Variants in ABCA13 observed in about 807,000 individuals in gnomAD.
ABCA13 encodes ATP-binding cassette sub-family A member 13.
Under a neutral mutation model 478.7 loss-of-function variants are expected in ABCA13, and 476 were observed. That is an observed-to-expected ratio of 0.99 (90% confidence interval 0.92 to 1.07). ABCA13 has a LOEUF of 1.07. ABCA13 is among the 50% of genes least tolerant of loss of function. The probability of loss-of-function intolerance (pLI) is 0.00; values close to 1 mark genes in which losing one functional copy is unlikely to be tolerated. For synonymous variants in ABCA13, 2,252 were observed against 2,158.9 expected (o/e 1.04, Z -1.20); for missense variants, 6,060 against 5,910.6 (o/e 1.03, Z -0.83).
At chr7:48,508,138 C>A in intron 50 of ABCA13, 89 bp downstream of exon 50, 1 of 1,558,136 alleles carries the variant, frequency 6.4e-7, no homozygotes, top group Non-Finnish European at 8.8e-7. Context: ...CATTGGGGCC[C>A]TGGCTGCCTT....
intron 8 of ABCA13, among the ~76,000 whole-genome samples, chr7:48,238,467 C>CT (rs34705800): frequency 0.02 from 2,917 of 144,914 alleles, 33 homozygotes; most frequent in Non-Finnish European, 0.031. Flanking sequence ...TGTTGAAGTT[C>CT]TTTTTTTTTT....
At chr7:48,197,569 C>T (rs1798100765) in intron 2 of ABCA13, among the ~76,000 whole-genome samples, 2 of 151,966 alleles carry the variant, frequency 1.3e-5, no homozygotes, top group Admixed American at 6.6e-5. Flanking sequence ...GTGTACTGTG[C>T]AGGAGAAACG....
intron 44 of ABCA13, among the ~76,000 whole-genome samples, chr7:48,470,271 A>G (rs945616833): frequency 6.6e-6 from 1 of 152,178 alleles, no homozygotes; most frequent in Non-Finnish European, 1.5e-5. Flanking sequence ...GTCATGGGTC[A>G]TTATGTACCT....
chr7:48,281,313 T>G (rs1289459844), intron 18 of ABCA13, 30 bp from the exon 19 acceptor site: 2 of 1,554,088 alleles, frequency 1.3e-6, no homozygotes, highest in East Asian at 4.7e-5. Flanking sequence ...TTTTACCCTT[T>G]TATGTCATTG....
At chr7:48,390,715 T>G (rs1815919300) in intron 37 of ABCA13, among the ~76,000 whole-genome samples, 1 of 152,210 alleles carries the variant, frequency 6.6e-6, no homozygotes, top group Non-Finnish European at 1.5e-5. Flanking sequence ...TCTGGCTTCT[T>G]GTACTCAGCA....
At chr7:48,342,416 G>A (rs892317) in intron 29 of ABCA13, among the ~76,000 whole-genome samples, 4,955 of 152,106 alleles carry the variant, frequency 0.033, 110 homozygotes, top group South Asian at 0.058. Flanking sequence ...ATACTTTAAG[G>A]CTGTATTGTA....
At position 48,275,514 on chromosome 7, in the gene ABCA13, C is replaced by T. The variant is rs1360269509; in HGVS notation, c.5848C>T (p.Gln1950Ter). The change falls in exon 17 of 62, where the codon CAA (glutamine) becomes TAA (stop). Residue 1950 changes from glutamine to a stop codon, truncating the protein, a stop_gained. Coordinates refer to ENST00000435803, the MANE Select transcript of ABCA13 (RefSeq NM_152701.5). LOFTEE classifies it high-confidence loss of function. Reference sequence around the variant, plus strand: ...ACTCTGTCCTAGTGGTTCCATAAAGCAAGTTGCTTTGCAAATCATAGAAAA... The same window carrying T: ...ACTCTGTCCTAGTGGTTCCATAAAGTAAGTTGCTTTGCAAATCATAGAAAA... Reference protein sequence around the residue: ...SELCPSGSIKQVALQIIEKLK... With the variant: ...SELCPSGSIK The T allele has an allele frequency of 1.2e-6, 2 of 1,613,762 alleles. No individual in the cohort carries two copies. Among genetic ancestry groups the T allele is most frequent in the Non-Finnish European group, 1.7e-6 (2 of 1,179,828 alleles).
At chr7:48,281,277 A>G (rs929010599) in intron 18 of ABCA13, 66 bp from the exon 19 acceptor site, 2 of 1,297,094 alleles carry the variant, frequency 1.5e-6, no homozygotes, top group Middle Eastern at 1.8e-4. Flanking sequence ...TAACCTACAC[A>G]GTAGAGATGC....
intron 55 of ABCA13, among the ~76,000 whole-genome samples, chr7:48,532,347 C>G (rs745572418): frequency 5.3e-5 from 8 of 152,126 alleles, no homozygotes; most frequent in Non-Finnish European, 1.5e-5. Context: ...TGGTATGAAA[C>G]ACATTTGATC....
rs1226407192 is a variant in ABCA13, at chr7:48,271,949, A to G, written c.2283A>G (p.Pro761=). The change falls in exon 17 of 62, where the codon CCA becomes CCG. Residue 761 remains proline (P), a synonymous_variant. Coordinates refer to ENST00000435803, the MANE Select transcript of ABCA13 (RefSeq NM_152701.5). ...TTGTTCCCAGTTTCCACAGCCTCCC[A>G]TCTCTCACAGAGGATATTCTGAATA... The part of the protein sequence containing the change: ...SSIVPSFHSL[P]SLTEDILNIS... 2 of 1,613,570 alleles carry G rather than the reference A, an allele frequency of 1.2e-6. No homozygotes were observed. The highest frequency in any genetic ancestry group is 1.7e-5 in the Admixed American group (1 of 59,980).
At chr7:48,523,338 A>T (rs985635056) in intron 53 of ABCA13, among the ~76,000 whole-genome samples, 1 of 152,130 alleles carries the variant, frequency 6.6e-6, no homozygotes, top group Non-Finnish European at 1.5e-5. Context: ...GGATACTGGG[A>T]GCTTGCCATG....
At position 48,274,546 on chromosome 7, in the gene ABCA13, C is replaced by T. The variant is rs749326271; in HGVS notation, c.4880C>T (p.Ala1627Val). 77 of 1,613,746 alleles carry T rather than the reference C, an allele frequency of 4.8e-5. No individual in the cohort carries two copies. Among genetic ancestry groups the T allele is most frequent in the Middle Eastern group, 3.3e-4 (2 of 6,084 alleles). The change falls in exon 17 of 62, where the codon GCT becomes GTT. Residue 1627 changes from alanine to valine, a missense_variant. By Grantham distance (64) the Ala-to-Val change is moderately conservative (BLOSUM62 0). Around this residue, in one of 3 missense-constraint regions of ABCA13, gnomAD observed 4,423 missense variants for 4,309.1 expected, o/e 1.03. Coordinates refer to ENST00000435803, the MANE Select transcript of ABCA13 (RefSeq NM_152701.5). ...KIIISPEIMK[A>V]TGLGIQLIRD... The stretch of plus-strand genomic sequence containing the variant: ...ATAATTTCACCTGAAATAATGAAAG[C>T]TACAGGTCTTGGTATTCAACTGATA...
intron 27 of ABCA13, among the ~76,000 whole-genome samples, chr7:48,324,913 T>G (rs550325597): frequency 4.6e-5 from 7 of 152,350 alleles, no homozygotes; most frequent in Admixed American, 2.6e-4. Flanking sequence ...ATGAAGATTT[T>G]TGTTGCAAAG....
At position 48,350,740 on chromosome 7, in the gene ABCA13, C is replaced by A. The variant is rs1267367055; in HGVS notation, c.10302C>A (p.Asn3434Lys). Residue 3434 changes from asparagine to lysine, a missense_variant, in exon 30 of 62, where the codon AAC becomes AAA. Physicochemically the swap from Asn to Lys is moderately conservative, Grantham distance 94. Around this residue, in one of 3 missense-constraint regions of ABCA13, gnomAD observed 4,423 missense variants for 4,309.1 expected, o/e 1.03. Coordinates refer to ENST00000435803, the MANE Select transcript of ABCA13 (RefSeq NM_152701.5). ...LVNLSSCVAL[N>K]RFQALQSVDI... Reference sequence around the variant, plus strand: ...ATCTCTCTTCCTGCGTGGCACTGAACCGTTTCCAGGCTCTGCAGTCTGTCG... The same window carrying A: ...ATCTCTCTTCCTGCGTGGCACTGAAACGTTTCCAGGCTCTGCAGTCTGTCG... 1.2e-5 allele frequency: 20 copies of A among 1,613,858 alleles called. No homozygotes were observed. Among genetic ancestry groups the A allele is most frequent in the African/African-American group, 2.7e-5 (2 of 74,916 alleles).
chr7:48,278,151 G>A lies in ABCA13; in HGVS notation c.6957G>A (p.Leu2319=). 1 of 1,493,164 alleles carries A rather than the reference G, an allele frequency of 6.7e-7. No homozygotes were observed. The highest frequency in any genetic ancestry group is 2.3e-5 in the East Asian group (1 of 43,504). The allele number at this position is 1,493,164 out of a possible 1,614,324, so 92.5% of individuals were successfully genotyped here. A position where few individuals can be genotyped will look rare whatever the true frequency, so the allele number is the denominator to read the frequency against. ...TGAAACTGGATCAATTTCTTACCCT[G>A]ATGATACAAGACAGATTGATGAACA... ...EILKLDQFLT[L]MIQDRLMNIF... Residue 2319 remains leucine, a synonymous_variant, in exon 18 of 62, where the codon CTG becomes CTA. Transcript: ENST00000435803.
At chr7:48,500,731 C>G (rs1002583836) in intron 48 of ABCA13, among the ~76,000 whole-genome samples, 3 of 152,226 alleles carry the variant, frequency 2.0e-5, no homozygotes, top group African/African-American at 7.2e-5. Context: ...AGTCTTCCCA[C>G]TGAAGCTCCA....
intron 27 of ABCA13, among the ~76,000 whole-genome samples, chr7:48,323,532 T>C (rs548329238): frequency 1.3e-5 from 2 of 152,344 alleles, no homozygotes; most frequent in African/African-American, 2.4e-5. Flanking sequence ...AGGTCATTAA[T>C]TTCATTTACT....
chr7:48,199,143 A>T (rs1380665369), intron 3 of ABCA13, among the ~76,000 whole-genome samples: 1 of 152,202 alleles, frequency 6.6e-6, no homozygotes, highest in Non-Finnish European at 1.5e-5. Flanking sequence ...ATGTAAAGCA[A>T]ATGTTGACAT....
At chr7:48,177,028 C>T (rs1794980417) in intron 1 of ABCA13, among the ~76,000 whole-genome samples, 1 of 152,078 alleles carries the variant, frequency 6.6e-6, no homozygotes. Flanking sequence ...AAAAACTGAA[C>T]TTGGTGTTAC....
Sources: gnomAD v4.1 joint callset for allele counts (sites outside exome capture counted in the v4.1 genomes callset) on GRCh38, gnomAD v4.1.1 for gene constraint, gnomAD v4.1.1 regional missense constraint, MANE v1.5 for transcripts, NCBI Gene and HGNC (gene_info 2026-07-23, HGNC 2026-07-21) for gene names.